The following VWA5A variants were observed in gnomAD, a reference collection of about 807,000 sequenced individuals.
VWA5A encodes von Willebrand factor A domain containing 5A, also known as von Willebrand factor A domain-containing protein 5A.
In VWA5A, 77 loss-of-function variants were observed where a neutral mutation model predicts 84.6. The observed-to-expected ratio is 0.91, with a 90% CI of 0.76 to 1.10. The LOEUF is 1.10. Among genes scored for constraint, VWA5A ranks in the 50% least tolerant of loss-of-function variants. The pLI is 0.00. For synonymous variants in VWA5A, 334 were observed against 350.1 expected, an observed-to-expected ratio of 0.95 and a Z score of 0.51; for missense variants, 973 against 963.0, an observed-to-expected ratio of 1.01 and a Z score of -0.14.
intron 11 of VWA5A, among the ~76,000 whole-genome samples, chr11:124,129,885 T>C (rs193139949): frequency 6.6e-6 from 1 of 152,328 alleles, no homozygotes; most frequent in East Asian, 1.9e-4. Context: ...TCTTCTTTAT[T>C]AGTCTGGATA....
intron 11 of VWA5A, among the ~76,000 whole-genome samples, chr11:124,128,842 C>G (rs532985921): frequency 1.3e-5 from 2 of 152,310 alleles, no homozygotes; most frequent in East Asian, 3.9e-4. Context: ...TATCCTAAGA[C>G]TTTACTAAAG....
chr11:124,137,360 T>C, intron 15 of VWA5A, 92 bp downstream of exon 15: 1 of 1,486,318 alleles, frequency 6.7e-7, no homozygotes, highest in Admixed American at 2.3e-5. Flanking sequence ...TGAAATGTTC[T>C]CAAATTGCTT....
chr11:124,118,756 G>A, intron 6 of VWA5A, 48 bp downstream of exon 6: 1 of 1,571,144 alleles, frequency 6.4e-7, no homozygotes, highest in Non-Finnish European at 8.6e-7. Context: ...TGTTGCTTGA[G>A]TCTTGACTTG....
intron 7 of VWA5A, among the ~76,000 whole-genome samples, chr11:124,121,928 T>C (rs1026900996): frequency 6.6e-6 from 1 of 152,226 alleles, no homozygotes; most frequent in African/African-American, 2.4e-5. Flanking sequence ...CAAAAGCTCC[T>C]CCTCCATCGT....
At chr11:124,121,780 A>G (rs1368355428) in intron 7 of VWA5A, among the ~76,000 whole-genome samples, 1 of 152,228 alleles carries the variant, frequency 6.6e-6, no homozygotes, top group Non-Finnish European at 1.5e-5. Flanking sequence ...AACGCTTACA[A>G]TTCATCTGGC....
chr11:124,134,502 C>G (rs1865144032), intron 11 of VWA5A, among the ~76,000 whole-genome samples: 1 of 152,116 alleles, frequency 6.6e-6, no homozygotes, highest in Non-Finnish European at 1.5e-5. Context: ...AATAGTCTTG[C>G]TAGGGGAGAT....
In VWA5A at chr11:124,123,678, T is replaced by G; in HGVS notation, c.1038T>G (p.Thr346=). ...TTCTCAGGGAGAGTGTGAAGTACAC[T>G]CAGCAAACAATGGAGGAGGCTCTGG... ...EACFPESVKY[T]QQTMEEALGR... Residue 346 remains threonine, a synonymous_variant, in exon 10 of 19, where the codon ACT becomes ACG. Transcript: ENST00000456829. 1 of 1,614,010 alleles carries G rather than the reference T, an allele frequency of 6.2e-7. No homozygotes were observed. The highest frequency in any genetic ancestry group is 8.5e-7 in the Non-Finnish European group (1 of 1,179,994).
At chr11:124,125,857 T>C (rs544391450) in intron 11 of VWA5A, among the ~76,000 whole-genome samples, 73 of 152,352 alleles carry the variant, frequency 4.8e-4, no homozygotes, top group African/African-American at 1.7e-3. Flanking sequence ...AATTTTAATG[T>C]AGTTTGATAT....
chr11:124,142,474 T>A lies in VWA5A; in HGVS notation c.2056T>A (p.Tyr686Asn), dbSNP rs1259550177. 9.9e-6 allele frequency: 16 copies of A among 1,614,104 alleles called. No homozygotes were observed. The highest frequency in any genetic ancestry group is 1.4e-5 in the Non-Finnish European group (16 of 1,180,050). The change falls in exon 17 of 19, where the codon TAC (tyrosine) becomes AAC (asparagine). Residue 686 changes from tyrosine (Y) to asparagine (N), a missense_variant. Tyr to Asn is a moderately radical substitution (Grantham distance 143). Coordinates refer to ENST00000456829, the MANE Select transcript of VWA5A (RefSeq NM_001130142.2). ...FGENHLVQLI[Y>N]HQNANGSWDL... ...AGAGAATCACCTTGTGCAGCTGATTTACCACCAAAATGCAAATGGTTCCTG... is the reference window on the plus strand; with the variant it reads ...AGAGAATCACCTTGTGCAGCTGATTAACCACCAAAATGCAAATGGTTCCTG...
At chr11:124,133,287 T>G (rs1381752203) in intron 11 of VWA5A, among the ~76,000 whole-genome samples, 1 of 152,234 alleles carries the variant, frequency 6.6e-6, no homozygotes, top group East Asian at 1.9e-4. Flanking sequence ...CCTAAATTCT[T>G]AGTTGTTTAC....
chr11:124,125,172 A>G (rs1318855711), intron 11 of VWA5A, among the ~76,000 whole-genome samples: 1 of 152,186 alleles, frequency 6.6e-6, no homozygotes, highest in Non-Finnish European at 1.5e-5. Flanking sequence ...TGATTGTACT[A>G]ATTTAATTCA....
At chr11:124,138,967 G>T (rs1023539604) in intron 15 of VWA5A, among the ~76,000 whole-genome samples, 1 of 152,188 alleles carries the variant, frequency 6.6e-6, no homozygotes, top group African/African-American at 2.4e-5. Context: ...TGAGAGATAA[G>T]GGTCTAATGT....
intron 10 of VWA5A, 67 bp downstream of exon 10, chr11:124,123,871 G>A (rs1226366209): frequency 1.3e-6 from 2 of 1,506,546 alleles, no homozygotes; most frequent in Admixed American, 2.4e-5. Flanking sequence ...CTATGCCCCT[G>A]AGCTTCATGC....
intron 15 of VWA5A, among the ~76,000 whole-genome samples, chr11:124,139,832 T>G (rs1033706867): frequency 1.7e-4 from 26 of 152,340 alleles, no homozygotes; most frequent in Admixed American, 1.7e-3. Flanking sequence ...CTTCCAGTAC[T>G]ATATTGAATA....
At chr11:124,129,543 C>T (rs1865067205) in intron 11 of VWA5A, among the ~76,000 whole-genome samples, 1 of 152,090 alleles carries the variant, frequency 6.6e-6, no homozygotes, top group South Asian at 2.1e-4. Context: ...GGAATAGTTT[C>T]AGAAGGAATG....
chr11:124,120,125 A>T (rs972613664), intron 7 of VWA5A, among the ~76,000 whole-genome samples: 1 of 152,000 alleles, frequency 6.6e-6, no homozygotes, highest in African/African-American at 2.4e-5. Context: ...CATCTCCAAA[A>T]CTTTTTTGTT....
In VWA5A at chr11:124,136,563, C is replaced by T. The variant is rs780346001; in HGVS notation, c.1525-11C>T. The stretch of plus-strand genomic sequence containing the variant: ...CATGTTCCGTCATTTCTACTCATCT[C>T]TAATTTGCAGGCAGCAGAGACAACA... On this transcript the variant is annotated splice_polypyrimidine_tract_variant and intron_variant, in intron 13 of 18. Coordinates refer to ENST00000456829, the MANE Select transcript of VWA5A (RefSeq NM_001130142.2). 2.0e-5 allele frequency: 33 copies of T among 1,613,000 alleles called. No individual in the cohort carries two copies. The East Asian group carries it at 7.4e-4, about 36-fold the overall frequency.
chr11:124,134,168 G>A (rs1865138331), intron 11 of VWA5A, among the ~76,000 whole-genome samples: 1 of 152,184 alleles, frequency 6.6e-6, no homozygotes, highest in East Asian at 1.9e-4. Flanking sequence ...GTTACACGTA[G>A]GTCCAGTTAG....
At chr11:124,119,799 T>C (rs1313964268) in intron 7 of VWA5A, among the ~76,000 whole-genome samples, 1 of 152,170 alleles carries the variant, frequency 6.6e-6, no homozygotes, top group Non-Finnish European at 1.5e-5. Context: ...AAAAGAAAAG[T>C]AAGTTATAGA....
Sources: gnomAD v4.1 joint callset for allele counts (sites outside exome capture counted in the v4.1 genomes callset) on GRCh38, gnomAD v4.1.1 for gene constraint, MANE v1.5 for transcripts, NCBI Gene and HGNC (gene_info 2026-07-23, HGNC 2026-07-21) for gene names.